Variants in GAD2 observed in about 807,000 individuals in gnomAD.
GAD2 encodes the protein glutamate decarboxylase 2.
Under a neutral mutation model 80.1 loss-of-function variants are expected in GAD2, and 22 were observed. The observed-to-expected ratio is 0.27, with a 90% confidence interval of 0.20 to 0.39. GAD2 has a LOEUF of 0.39. Among genes scored for constraint, GAD2 ranks in the 10% least tolerant of loss-of-function variants. GAD2 has a pLI of 1.00. For synonymous variants in GAD2, 274 were observed against 256.9 expected, an observed-to-expected ratio of 1.07 and a Z score of -0.64; for missense variants, 624 against 738.4, an observed-to-expected ratio of 0.85 and a Z score of 1.80.
chr10:26,285,146 T>G (rs1845317592), intron 12 of GAD2, among the ~76,000 whole-genome samples: 3 of 152,260 alleles, frequency 2.0e-5, no homozygotes, highest in Admixed American at 1.3e-4. Flanking sequence ...TACAAATACA[T>G]CGTATTTAAT....
intron 8 of GAD2, among the ~76,000 whole-genome samples, chr10:26,259,793 T>C (rs771368641): frequency 3.9e-5 from 6 of 152,184 alleles, no homozygotes; most frequent in Non-Finnish European, 8.8e-5. Flanking sequence ...TCCAATGTTA[T>C]GAATGTTTTG....
chr10:26,273,181 A>G (rs1845156992), intron 10 of GAD2, among the ~76,000 whole-genome samples: 2 of 152,242 alleles, frequency 1.3e-5, no homozygotes, highest in African/African-American at 4.8e-5. Context: ...AAAATCACAC[A>G]TCAGTGAAAT....
In GAD2 at chr10:26,229,680, T is replaced by C; in HGVS notation, c.743T>C (p.Met248Thr). Reference protein sequence around the residue: ...IFSPGGAISNMYAMMIARFKM... With the variant: ...IFSPGGAISNTYAMMIARFKM... ...ACTTTAGGTGGCGCCATATCTAACA[T>C]GTATGCCATGATGATCGCACGCTTT... The change falls in exon 7 of 16, where the codon ATG becomes ACG. Residue 248 changes from methionine to threonine, a missense_variant. Transcript: ENST00000376261. 6.2e-7 allele frequency: 1 copy of C among 1,613,892 alleles called. No homozygotes were observed.
Position 26,219,266 on chromosome 10 carries a change from A to G in GAD2, c.510A>G (p.Ala170=). 2 of 1,597,194 alleles carry G rather than the reference A, an allele frequency of 1.3e-6. No homozygotes were observed. The highest frequency in any genetic ancestry group is 4.5e-5 in the East Asian group (2 of 44,708). The change falls in exon 4 of 16, where the codon GCA becomes GCG. Residue 170 remains alanine (A), a synonymous_variant. Coordinates refer to ENST00000376261, the MANE Select transcript of GAD2 (RefSeq NM_001134366.2). ...ATTGCCAAACAACTCTAAAATATGC[A>G]ATTAAAACAGGTATTGTCTCATCGA... The part of the protein sequence containing the change: ...LMHCQTTLKY[A]IKTGHPRYFN...
intron 7 of GAD2, among the ~76,000 whole-genome samples, chr10:26,232,778 C>G (rs1844621311): frequency 6.6e-6 from 1 of 152,174 alleles, no homozygotes; most frequent in South Asian, 2.1e-4. Context: ...GCTGGGATTA[C>G]AGGAGTGAGC....
chr10:26,243,948 T>G (rs996004519), intron 7 of GAD2, among the ~76,000 whole-genome samples: 1 of 152,228 alleles, frequency 6.6e-6, no homozygotes, highest in Non-Finnish European at 1.5e-5. Flanking sequence ...TGGCTTTGAG[T>G]TCCTGTGTGT....
rs763050069 is a variant in GAD2 at position 26,292,449 on chromosome 10, T to C, written c.1387-16T>C. Reference sequence around the variant, plus strand: ...CTCTTAGCCTGCTTAATGAGCTGTGTCCTTCTCTTACCTAGGGGACTACCG... The same window carrying C: ...CTCTTAGCCTGCTTAATGAGCTGTGCCCTTCTCTTACCTAGGGGACTACCG... On this transcript the variant is annotated splice_polypyrimidine_tract_variant and intron_variant, in intron 13 of 15. Transcript: ENST00000376261. 1.1e-5 allele frequency: 18 copies of C among 1,596,042 alleles called. No individual in the cohort carries two copies. The highest frequency in any genetic ancestry group is 1.7e-4 in the Middle Eastern group (1 of 6,024).
intron 8 of GAD2, among the ~76,000 whole-genome samples, chr10:26,267,097 A>G (rs1369752904): frequency 2.0e-5 from 3 of 152,186 alleles, no homozygotes; most frequent in Admixed American, 2.0e-4. Context: ...AAAAAAGTTA[A>G]GTATGATATG....
chr10:26,253,034 CA>C (rs111535726), intron 8 of GAD2, among the ~76,000 whole-genome samples: 17 of 146,128 alleles, frequency 1.2e-4, no homozygotes, highest in Middle Eastern at 3.4e-3. Flanking sequence ...TCAGTTAAAA[CA>C]AAAAAAAAAG....
intron 8 of GAD2, among the ~76,000 whole-genome samples, chr10:26,255,355 A>T (rs1227126396): frequency 1.3e-5 from 2 of 151,982 alleles, no homozygotes; most frequent in Non-Finnish European, 2.9e-5. Context: ...GTTTCAGTGG[A>T]GGGGTGAGGG....
chr10:26,289,567 G>A (rs1158592952), intron 13 of GAD2, among the ~76,000 whole-genome samples: 5 of 151,528 alleles, frequency 3.3e-5, no homozygotes, highest in African/African-American at 7.3e-5. Flanking sequence ...GTTGCTAAGC[G>A]GCATACTAGC....
intron 7 of GAD2, among the ~76,000 whole-genome samples, chr10:26,241,194 A>G (rs986751102): frequency 6.6e-6 from 1 of 152,234 alleles, no homozygotes; most frequent in Non-Finnish European, 1.5e-5. Context: ...AGATTCTATT[A>G]TCAAGGCTCT....
chr10:26,229,509 G>A (rs1005350519), intron 6 of GAD2, among the ~76,000 whole-genome samples, 153 bp from the exon 7 acceptor site: 7 of 152,120 alleles, frequency 4.6e-5, no homozygotes, highest in Non-Finnish European at 8.8e-5. Flanking sequence ...CTGGGGTAGC[G>A]CCTTTGAGTC....
chr10:26,248,869 GCTGGATAGGT>G (rs1026704836), intron 8 of GAD2, among the ~76,000 whole-genome samples: 2 of 152,094 alleles, frequency 1.3e-5, no homozygotes, highest in Non-Finnish European at 2.9e-5. Flanking sequence ...TAGAATTTAA[GCTGGATAGGT>G]CTGGAAACAA....
chr10:26,270,694 T>C lies in GAD2; in HGVS notation c.1030T>C (p.Phe344Leu), dbSNP rs745607268. Residue 344 changes from phenylalanine to leucine, a missense_variant, in exon 10 of 16, where the codon TTT (phenylalanine) becomes CTT (leucine). Coordinates refer to ENST00000376261, the MANE Select transcript of GAD2 (RefSeq NM_001134366.2). The stretch of plus-strand genomic sequence containing the variant: ...AGCTGGAACCACCGTGTACGGAGCA[T>C]TTGACCCCCTCTTAGCTGTCGCTGA... ...ATAGTTVYGA[F>L]DPLLAVADIC... 2.5e-6 allele frequency: 4 copies of C among 1,614,048 alleles called. No individual in the cohort carries two copies. Among genetic ancestry groups the C allele is most frequent in the Admixed American group, 1.7e-5 (1 of 60,012 alleles).
At chr10:26,241,721 T>C (rs1457819863) in intron 7 of GAD2, among the ~76,000 whole-genome samples, 1 of 152,208 alleles carries the variant, frequency 6.6e-6, no homozygotes, top group African/African-American at 2.4e-5. Context: ...GTACAAAAAA[T>C]TGAAGTGTAT....
At chr10:26,244,063 G>T (rs774551448) in intron 7 of GAD2, among the ~76,000 whole-genome samples, 7 of 152,186 alleles carry the variant, frequency 4.6e-5, no homozygotes, top group African/African-American at 1.7e-4. Flanking sequence ...AATGGGCAAA[G>T]AACTTGAATA....
At chr10:26,233,736 T>C (rs182400348) in intron 7 of GAD2, among the ~76,000 whole-genome samples, 4 of 152,336 alleles carry the variant, frequency 2.6e-5, no homozygotes, top group African/African-American at 7.2e-5. Flanking sequence ...TACCAAGTCA[T>C]TTCTCAAATG....
intron 8 of GAD2, among the ~76,000 whole-genome samples, chr10:26,253,591 G>T (rs1844907514): frequency 1.3e-5 from 2 of 152,234 alleles, no homozygotes; most frequent in Admixed American, 1.3e-4. Context: ...ATGATAATTT[G>T]GAAGGATGGG....
Sources: gnomAD v4.1 joint callset for allele counts (sites outside exome capture counted in the v4.1 genomes callset) on GRCh38, gnomAD v4.1.1 for gene constraint, MANE v1.5 for transcripts, NCBI Gene and HGNC (gene_info 2026-07-23, HGNC 2026-07-21) for gene names.